Variants in EXTL3 observed in about 807,000 individuals in gnomAD.
EXTL3 encodes exostosin like glycosyltransferase 3, also known as exostosin-like 3.
Under a neutral mutation model 69.3 loss-of-function variants are expected in EXTL3, and 27 were observed. The ratio of observed to expected loss-of-function variants is 0.39; its 90% CI spans 0.29 to 0.54. The LOEUF is 0.54. EXTL3 is among the 20% of genes least tolerant of loss of function. The pLI is 0.69. For missense variants in EXTL3, 1,003 were observed against 1,231.8 expected, an observed-to-expected ratio of 0.81 and a Z score of 2.78; for synonymous variants, 511 against 499.4, an observed-to-expected ratio of 1.02 and a Z score of -0.31.
At chr8:28,732,385 T>G (rs777280045) in intron 4 of EXTL3, among the ~76,000 whole-genome samples, 3 of 152,338 alleles carry the variant, frequency 2.0e-5, no homozygotes, top group South Asian at 2.1e-4. Flanking sequence ...TTCTTTTTTT[T>G]ACAACATTTC....
chr8:28,702,308 C>G (rs1800825142), intron 1 of EXTL3, among the ~76,000 whole-genome samples: 1 of 152,230 alleles, frequency 6.6e-6, no homozygotes, highest in Non-Finnish European at 1.5e-5. Flanking sequence ...GGCCCAGCTC[C>G]CCTAGAGCCG....
chr8:28,736,171 A>G (rs1226628903), intron 4 of EXTL3, among the ~76,000 whole-genome samples: 1 of 152,198 alleles, frequency 6.6e-6, no homozygotes, highest in East Asian at 1.9e-4. Flanking sequence ...TTTTGCCACA[A>G]TTTAAAAAAA....
intron 1 of EXTL3, among the ~76,000 whole-genome samples, chr8:28,657,496 T>A (rs1180543182): frequency 6.6e-6 from 1 of 152,232 alleles, no homozygotes; most frequent in African/African-American, 2.4e-5. Context: ...ACATTTTTTT[T>A]ATTGTAATAT....
At chr8:28,707,344 T>TA (rs1470045979) in intron 1 of EXTL3, among the ~76,000 whole-genome samples, 1 of 152,342 alleles carries the variant, frequency 6.6e-6, no homozygotes, top group Non-Finnish European at 1.5e-5. Context: ...CACTGCTTCA[T>TA]CGGTGAAGTG....
intron 1 of EXTL3, among the ~76,000 whole-genome samples, chr8:28,643,713 T>C (rs1042029829): frequency 3.3e-5 from 5 of 152,072 alleles, no homozygotes; most frequent in African/African-American, 2.4e-5. Flanking sequence ...CCACCGCGCC[T>C]GGCCTCTCCT....
intron 1 of EXTL3, among the ~76,000 whole-genome samples, chr8:28,706,733 C>T (rs749174924): frequency 6.6e-6 from 1 of 152,100 alleles, no homozygotes; most frequent in African/African-American, 2.4e-5. Flanking sequence ...TCACTTGAAC[C>T]CTTTTTTTGT....
intron 1 of EXTL3, among the ~76,000 whole-genome samples, chr8:28,667,772 T>G (rs569477603): frequency 6.6e-6 from 1 of 150,998 alleles, no homozygotes; most frequent in African/African-American, 2.4e-5. Flanking sequence ...AATGACGAGT[T>G]AATGGGTGCA....
intron 2 of EXTL3, among the ~76,000 whole-genome samples, chr8:28,714,139 C>G (rs1032389640): frequency 2.6e-5 from 4 of 152,038 alleles, no homozygotes; most frequent in Non-Finnish European, 5.9e-5. Context: ...CTCCTGACCT[C>G]AGGAGATCCG....
chr8:28,640,741 C>A (rs1446286847), intron 1 of EXTL3, among the ~76,000 whole-genome samples: 1 of 151,984 alleles, frequency 6.6e-6, no homozygotes, highest in Non-Finnish European at 1.5e-5. Flanking sequence ...TAGATGGGAC[C>A]ACAGGCATGT....
chr8:28,728,930 A>AC (rs1416360600), intron 3 of EXTL3, among the ~76,000 whole-genome samples: 2 of 152,146 alleles, frequency 1.3e-5, no homozygotes, highest in African/African-American at 4.8e-5. Context: ...AATCAAGTAA[A>AC]CAAGGGATCA....
chr8:28,726,431 G>A (rs1231414068), intron 3 of EXTL3, among the ~76,000 whole-genome samples: 3 of 152,192 alleles, frequency 2.0e-5, no homozygotes, highest in Admixed American at 2.0e-4. Context: ...CAAAGTTTGT[G>A]AGGGCAGAAA....
Position 28,717,744 on chromosome 8 carries a change from G to T in EXTL3, c.1685G>T (p.Gly562Val). ...EIPHRSGKAAGTDPNMADNGD... is the reference protein window; with the variant it reads ...EIPHRSGKAAVTDPNMADNGD... Reference sequence around the variant, plus strand: ...CCCCACCGTTCAGGCAAGGCGGCTGGAACTGACCCCAACATGGCTGACAAC... The same window carrying T: ...CCCCACCGTTCAGGCAAGGCGGCTGTAACTGACCCCAACATGGCTGACAAC... The change falls in exon 3 of 7, where the codon GGA (glycine) becomes GTA (valine). Residue 562 changes from glycine (G) to valine (V), a missense_variant. This residue lies in a region of EXTL3 where 742 missense variants were observed against 815.4 expected (regional missense o/e 0.91). Coordinates refer to ENST00000220562, the MANE Select transcript of EXTL3 (RefSeq NM_001440.4). The surrounding 1 kb of genome is among the most constrained non-coding windows in gnomAD (Gnocchi z 8.3). The T allele has an allele frequency of 6.2e-7, 1 of 1,614,248 alleles. No individual in the cohort carries two copies. The highest frequency in any genetic ancestry group is 8.5e-7 in the Non-Finnish European group (1 of 1,180,034).
chr8:28,722,393 A>T (rs1439298401), intron 3 of EXTL3, among the ~76,000 whole-genome samples: 1 of 152,232 alleles, frequency 6.6e-6, no homozygotes, highest in Non-Finnish European at 1.5e-5. Context: ...AGAGAGAACC[A>T]GTTCAGAGAT....
chr8:28,745,075 G>A (rs1801861514), intron 6 of EXTL3, among the ~76,000 whole-genome samples: 2 of 152,168 alleles, frequency 1.3e-5, no homozygotes, highest in South Asian at 4.1e-4. Flanking sequence ...CACATGCCTG[G>A]TAGTCTCAGC....
At position 28,751,017 on chromosome 8, in the gene EXTL3, T is replaced by C. The variant is rs991457962; in HGVS notation, c.*151T>C. On this transcript the variant is annotated 3_prime_UTR_variant, in exon 7 of 7. Coordinates refer to ENST00000220562, the MANE Select transcript of EXTL3 (RefSeq NM_001440.4). ...AGCAGGAGGAGTGGAAGGAAACCGC[T>C]GCCTTTATCTTGAAGTCAGCCACAC... is the stretch of plus-strand genomic sequence containing the variant. 7.9e-5 allele frequency: 54 copies of C among 680,324 alleles called. No homozygotes were observed. Among genetic ancestry groups the C allele is most frequent in the Admixed American group, 2.2e-4 (9 of 40,160 alleles). The allele number at this position is 680,324 out of a possible 1,614,324, so 42.1% of individuals were successfully genotyped here.
intron 1 of EXTL3, among the ~76,000 whole-genome samples, chr8:28,669,039 T>G (rs1304315712): frequency 6.6e-6 from 1 of 151,926 alleles, no homozygotes; most frequent in Non-Finnish European, 1.5e-5. Flanking sequence ...AATTTTTGTA[T>G]TTTTAGTAGA....
At chr8:28,684,382 A>G (rs935844424) in intron 1 of EXTL3, among the ~76,000 whole-genome samples, 5 of 152,124 alleles carry the variant, frequency 3.3e-5, no homozygotes, top group Non-Finnish European at 2.9e-5. Context: ...ACTATCTATC[A>G]TCAGTGCTTT....
intron 1 of EXTL3, among the ~76,000 whole-genome samples, chr8:28,649,094 G>T (rs1328156452): frequency 6.6e-6 from 1 of 152,068 alleles, no homozygotes; most frequent in Non-Finnish European, 1.5e-5. Flanking sequence ...AGCCAGGACA[G>T]GATCTTACTA....
upstream of EXTL3, chr8:28,698,506 AG>A (rs1800719792): frequency 6.6e-6 from 1 of 152,260 alleles, no homozygotes; most frequent in African/African-American, 2.4e-5. Context: ...AGTGAATAAA[AG>A]GGTTTAGCTT....
Sources: allele counts gnomAD v4.1 joint callset (sites outside exome capture counted in the v4.1 genomes callset), GRCh38; gene constraint gnomAD v4.1.1; regional missense constraint gnomAD v4.1.1; non-coding constraint Gnocchi (gnomAD v3.1); transcripts MANE v1.5; gene names NCBI Gene and HGNC (gene_info 2026-07-23, HGNC 2026-07-21).